GRIN2A: variants seen among roughly 807,000 people sequenced by gnomAD.
GRIN2A encodes glutamate receptor ionotropic, NMDA 2A.
A neutral mutation model predicts 113.4 loss-of-function variants in GRIN2A; 22 were observed. The ratio of observed to expected loss-of-function variants is 0.19; its 90% CI spans 0.14 to 0.28. The LOEUF (loss-of-function observed/expected upper bound fraction) is 0.28, where lower values mean the gene tolerates loss of function less well. GRIN2A is among the 10% of genes least tolerant of loss of function. The pLI is 1.00. For missense variants in GRIN2A, 1,502 were observed against 1,887.0 expected, an observed-to-expected ratio of 0.80 and a Z score of 3.78; for synonymous variants, 827 against 738.4, an observed-to-expected ratio of 1.12 and a Z score of -1.94.
At chr16:9,917,778 C>T (rs977646654) in intron 3 of GRIN2A, among the ~76,000 whole-genome samples, 3 of 152,182 alleles carry the variant, frequency 2.0e-5, no homozygotes, top group Non-Finnish European at 2.9e-5. Flanking sequence ...CACCAGTACT[C>T]GTGCGTTCTG....
intron 2 of GRIN2A, among the ~76,000 whole-genome samples, chr16:10,116,796 A>G (rs2142165543): frequency 6.6e-6 from 1 of 152,304 alleles, no homozygotes; most frequent in Middle Eastern, 3.4e-3. Flanking sequence ...AGGGTATGCC[A>G]ACTTCTATCC....
Position 9,940,967 on chromosome 16 carries a change from C to T in GRIN2A, c.415-2416G>A, listed in dbSNP as rs1299275966. 1.3e-5 allele frequency among the ~76,000 whole-genome samples: 2 copies of T among 152,138 alleles called. 1 individual carries two copies. The highest frequency in any genetic ancestry group is 4.8e-5 in the African/African-American group (2 of 41,434). The stretch of plus-strand genomic sequence containing the variant: ...TTCGCCAACCTCACACACTGTGAGA[C>T]GCCTCTTGGGATGGGGCAAAAATGT... On this transcript the variant is annotated intron_variant, in intron 2 of 12. Coordinates refer to ENST00000330684, the MANE Select transcript of GRIN2A (RefSeq NM_001134407.3).
At chr16:9,848,669 T>A (rs556963637) in intron 5 of GRIN2A, among the ~76,000 whole-genome samples, 1 of 144,432 alleles carries the variant, frequency 6.9e-6, no homozygotes, top group African/African-American at 2.5e-5. Flanking sequence ...ACATAAAATA[T>A]ATGTTTTATA....
intron 2 of GRIN2A, among the ~76,000 whole-genome samples, chr16:9,986,116 C>A (rs2141796146): frequency 6.6e-6 from 1 of 152,000 alleles, no homozygotes; most frequent in Non-Finnish European, 1.5e-5. Flanking sequence ...ATTACCCAAC[C>A]TCCTTTGGAA....
At chr16:10,090,021 A>C (rs1351682753) in intron 2 of GRIN2A, among the ~76,000 whole-genome samples, 1 of 152,218 alleles carries the variant, frequency 6.6e-6, no homozygotes, top group Non-Finnish European at 1.5e-5. Flanking sequence ...GTGATAAAAA[A>C]AAATCTTAAG....
intron 2 of GRIN2A, among the ~76,000 whole-genome samples, chr16:9,939,181 A>ACC (rs2044794033): frequency 6.6e-6 from 1 of 152,226 alleles, no homozygotes; most frequent in Non-Finnish European, 1.5e-5. Flanking sequence ...CTTAATAAGA[A>ACC]TTAAGTGGAA....
At chr16:9,929,346 C>T (rs1303608735) in intron 3 of GRIN2A, among the ~76,000 whole-genome samples, 2 of 152,152 alleles carry the variant, frequency 1.3e-5, no homozygotes, top group Admixed American at 1.3e-4. Flanking sequence ...TCTCTGTTCC[C>T]CAACATTTCT....
chr16:9,825,221 C>A (rs1474385138), intron 9 of GRIN2A, among the ~76,000 whole-genome samples: 1 of 152,172 alleles, frequency 6.6e-6, no homozygotes, highest in Admixed American at 6.5e-5. Context: ...TTGGAGCAAC[C>A]AGTTAAGCTC....
intron 8 of GRIN2A, among the ~76,000 whole-genome samples, chr16:9,830,706 C>G (rs750231242): frequency 3.9e-5 from 6 of 152,168 alleles, no homozygotes; most frequent in Non-Finnish European, 5.9e-5. Flanking sequence ...CTAGGAAAAG[C>G]AAGCTCTCTG....
intron 2 of GRIN2A, among the ~76,000 whole-genome samples, chr16:10,124,315 T>C (rs1350038344): frequency 6.6e-6 from 1 of 152,104 alleles, no homozygotes; most frequent in African/African-American, 2.4e-5. Flanking sequence ...ACCTACCATG[T>C]AGGGATACTA....
chr16:9,959,067 C>G (rs1473185432), intron 2 of GRIN2A, among the ~76,000 whole-genome samples: 3 of 152,178 alleles, frequency 2.0e-5, no homozygotes, highest in African/African-American at 7.2e-5. Flanking sequence ...TGAACAACTG[C>G]TAGGAGCCTC....
intron 2 of GRIN2A, among the ~76,000 whole-genome samples, chr16:9,946,863 G>T (rs758541153): frequency 6.6e-6 from 1 of 152,158 alleles, no homozygotes; most frequent in Non-Finnish European, 1.5e-5. Flanking sequence ...CTGTAAGATC[G>T]AGAGTTACCA....
intron 2 of GRIN2A, chr16:10,031,709 C>G (rs987876497): frequency 6.6e-6 from 1 of 152,282 alleles, no homozygotes; most frequent in Non-Finnish European, 1.5e-5. Context: ...TCATGTTCAC[C>G]ACCATCCACC....
intron 2 of GRIN2A, among the ~76,000 whole-genome samples, chr16:10,133,901 G>A (rs896430442): frequency 6.6e-6 from 1 of 152,152 alleles, no homozygotes; most frequent in Non-Finnish European, 1.5e-5. Flanking sequence ...CAGTTAGGCA[G>A]TCCGGATGCA....
chr16:10,016,412 G>A (rs1386519517), intron 2 of GRIN2A, among the ~76,000 whole-genome samples: 1 of 151,972 alleles, frequency 6.6e-6, no homozygotes, highest in African/African-American at 2.4e-5. Context: ...ACACATGCAT[G>A]GGAAAGAAAA....
intron 3 of GRIN2A, among the ~76,000 whole-genome samples, chr16:9,898,267 C>A (rs2043847705): frequency 6.6e-6 from 1 of 152,048 alleles, no homozygotes; most frequent in Non-Finnish European, 1.5e-5. Flanking sequence ...TTTCTAACAC[C>A]CTACTACAAA....
At chr16:10,122,291 A>T (rs140295720) in intron 2 of GRIN2A, among the ~76,000 whole-genome samples, 4 of 152,294 alleles carry the variant, frequency 2.6e-5, no homozygotes, top group Admixed American at 2.0e-4. Context: ...CTTTTTTAGC[A>T]TCAGCTGTCC....
intron 7 of GRIN2A, among the ~76,000 whole-genome samples, chr16:9,840,133 C>G (rs2042647874): frequency 6.6e-6 from 1 of 152,042 alleles, no homozygotes; most frequent in Non-Finnish European, 1.5e-5. Flanking sequence ...AATAAACTGT[C>G]TGAGATTGGG....
chr16:9,850,052 G>C (rs1300476325), intron 4 of GRIN2A, 91 bp from the exon 5 acceptor site: 1 of 1,068,910 alleles, frequency 9.4e-7, no homozygotes, highest in Admixed American at 1.8e-5. Flanking sequence ...ACATCCATCC[G>C]TCTCAAGGGC....
Sources: gnomAD v4.1 joint callset for allele counts (sites outside exome capture counted in the v4.1 genomes callset) on GRCh38, gnomAD v4.1.1 for gene constraint, MANE v1.5 for transcripts, NCBI Gene and HGNC (gene_info 2026-07-23, HGNC 2026-07-21) for gene names.